The following PTPRO variants were observed in gnomAD, a reference collection of about 807,000 sequenced individuals.
PTPRO encodes the protein receptor-type tyrosine-protein phosphatase O.
PTPRO carries 62 observed loss-of-function variants against 145.2 expected under a neutral mutation model. That is an observed-to-expected ratio of 0.43 (90% CI 0.35 to 0.53). The LOEUF (loss-of-function observed/expected upper bound fraction) is 0.53, where lower values mean the gene tolerates loss of function less well. Among genes scored for constraint, PTPRO ranks in the 20% least tolerant of loss-of-function variants. The probability of loss-of-function intolerance (pLI) is 0.01; values close to 1 mark genes in which losing one functional copy is unlikely to be tolerated. For synonymous variants in PTPRO, 565 were observed against 514.7 expected (o/e 1.10, Z -1.32); for missense variants, 1,345 against 1,482.7 (o/e 0.91, Z 1.53).
At chr12:15,448,548 A>G (rs1940966995) in intron 1 of PTPRO, among the ~76,000 whole-genome samples, 1 of 152,080 alleles carries the variant, frequency 6.6e-6, no homozygotes, top group South Asian at 2.1e-4. Flanking sequence ...GGTTGTGGAG[A>G]AAAGAGAAAC....
intron 6 of PTPRO, among the ~76,000 whole-genome samples, chr12:15,506,392 G>T (rs1253245484): frequency 6.6e-6 from 1 of 152,080 alleles, no homozygotes; most frequent in Non-Finnish European, 1.5e-5. Context: ...TATATCTCTG[G>T]GCCTCAGTTT....
intron 14 of PTPRO, among the ~76,000 whole-genome samples, chr12:15,550,594 T>C (rs951271476): frequency 1.3e-5 from 2 of 152,206 alleles, no homozygotes; most frequent in Admixed American, 6.5e-5. Context: ...AAATGGCTTC[T>C]CTCCAAATAG....
chr12:15,439,855 GGTGCAGAA>G (rs1565630405), intron 1 of PTPRO: 3 of 628,890 alleles, frequency 4.8e-6, no homozygotes, highest in Admixed American at 4.4e-5. Context: ...AGATTATGAT[GGTGCAGAA>G]GCAGACCCAC....
At chr12:15,393,385 C>A (rs1263059953) in intron 1 of PTPRO, among the ~76,000 whole-genome samples, 5 of 152,180 alleles carry the variant, frequency 3.3e-5, no homozygotes, top group African/African-American at 9.7e-5. Context: ...TTTACTACAT[C>A]TTCTGGAACT....
Position 15,398,228 on chromosome 12 carries a change from G to T in PTPRO, c.75+75427G>T, listed in dbSNP as rs562024772. On this transcript the variant is annotated intron_variant, in intron 1 of 26. Coordinates refer to ENST00000281171, the MANE Select transcript of PTPRO (RefSeq NM_030667.3). ...GGCTGCTCATTGTGTCGGTAAAAGC[G>T]GTTGTTCACAGCAGCACAATATTGT... Among the ~76,000 whole-genome samples the T allele has an allele frequency of 5.9e-5, 9 of 152,218 alleles. No homozygotes were observed. In the South Asian group the frequency reaches 1.9e-3, roughly 32 times the overall value.
At chr12:15,503,842 T>C in intron 5 of PTPRO, 66 bp from the exon 6 acceptor site, 1 of 1,350,858 alleles carries the variant, frequency 7.4e-7, no homozygotes, top group Non-Finnish European at 1.0e-6. Context: ...ATTAATCGAC[T>C]TGTCTATACC....
In PTPRO at chr12:15,439,999, G is replaced by A. The variant is rs1434167543; in HGVS notation, c.76-43975G>A. 2.2e-5 allele frequency: 15 copies of A among 682,284 alleles called. No homozygotes were observed. In the Admixed American group the frequency reaches 3.0e-4, roughly 14 times the overall value. The allele number at this position is 682,284 out of a possible 1,614,324, so 42.3% of individuals were successfully genotyped here. On this transcript the variant is annotated intron_variant, in intron 1 of 26. Coordinates refer to ENST00000281171, the MANE Select transcript of PTPRO (RefSeq NM_030667.3). ...TCTGCGGGGCCATCATCCTGGCCAA[G>A]CTCTCCATTGTCCCTGTGTGCAGAG...
chr12:15,567,598 C>T (rs574428502), intron 18 of PTPRO, among the ~76,000 whole-genome samples: 10 of 152,150 alleles, frequency 6.6e-5, no homozygotes, highest in African/African-American at 2.4e-4. Context: ...TGCCCATTTT[C>T]CTAGTAACAA....
chr12:15,327,294 C>T (rs1866472219), intron 1 of PTPRO, among the ~76,000 whole-genome samples: 1 of 152,172 alleles, frequency 6.6e-6, no homozygotes, highest in South Asian at 2.1e-4. Context: ...TACCTCACCT[C>T]TGTTTAATGT....
intron 9 of PTPRO, among the ~76,000 whole-genome samples, chr12:15,519,134 G>T (rs546185650): frequency 1.3e-5 from 2 of 152,182 alleles, no homozygotes; most frequent in African/African-American, 2.4e-5. Context: ...CAATCATGGC[G>T]GGAGGCAAAG....
intron 1 of PTPRO, among the ~76,000 whole-genome samples, chr12:15,411,508 C>T (rs1209969528): frequency 3.9e-5 from 6 of 152,176 alleles, no homozygotes; most frequent in Admixed American, 6.5e-5. Context: ...TCTAGAGAAG[C>T]TGAAAGCAAA....
intron 1 of PTPRO, among the ~76,000 whole-genome samples, chr12:15,436,163 A>G (rs1204963204): frequency 6.6e-6 from 1 of 152,236 alleles, no homozygotes; most frequent in Non-Finnish European, 1.5e-5. Flanking sequence ...ACATGCCCAC[A>G]AGAGAAAGCA....
intron 1 of PTPRO, among the ~76,000 whole-genome samples, chr12:15,387,343 T>C (rs976278880): frequency 4.3e-5 from 6 of 139,712 alleles, no homozygotes; most frequent in East Asian, 2.4e-4. Flanking sequence ...CTCTTTAACA[T>C]GCTATTTTTT....
At chr12:15,529,896 G>A (rs953618296) in intron 12 of PTPRO, among the ~76,000 whole-genome samples, 1 of 152,134 alleles carries the variant, frequency 6.6e-6, no homozygotes, top group African/African-American at 2.4e-5. Context: ...GATGTATATG[G>A]TCTCAATTCT....
intron 13 of PTPRO, among the ~76,000 whole-genome samples, chr12:15,547,292 G>A (rs772965597): frequency 6.6e-5 from 10 of 152,148 alleles, no homozygotes; most frequent in Non-Finnish European, 1.3e-4. Flanking sequence ...TGGCAGATAC[G>A]ATAAACAGAG....
chr12:15,587,391 A>G (rs1401206610), intron 24 of PTPRO, among the ~76,000 whole-genome samples: 1 of 152,206 alleles, frequency 6.6e-6, no homozygotes, highest in African/African-American at 2.4e-5. Flanking sequence ...TGCCCTTAAT[A>G]TGTGATATTA....
intron 2 of PTPRO, among the ~76,000 whole-genome samples, chr12:15,495,841 T>C (rs1244012723): frequency 6.6e-6 from 1 of 152,192 alleles, no homozygotes; most frequent in Non-Finnish European, 1.5e-5. Flanking sequence ...ATTTAACATT[T>C]TTTTACACAG....
intron 1 of PTPRO, among the ~76,000 whole-genome samples, chr12:15,360,245 A>G (rs1938132728): frequency 6.6e-6 from 1 of 152,200 alleles, no homozygotes; most frequent in Non-Finnish European, 1.5e-5. Context: ...GTGGCTCACT[A>G]TTATCTTCTT....
intron 1 of PTPRO, among the ~76,000 whole-genome samples, chr12:15,389,335 CT>C (rs1220275049): frequency 6.6e-6 from 1 of 151,938 alleles, no homozygotes; most frequent in African/African-American, 2.4e-5. Context: ...TCTCGATCTC[CT>C]TACCTCATGA....
Sources: gnomAD v4.1 joint callset for allele counts (sites outside exome capture counted in the v4.1 genomes callset) on GRCh38, gnomAD v4.1.1 for gene constraint, MANE v1.5 for transcripts, NCBI Gene and HGNC (gene_info 2026-07-23, HGNC 2026-07-21) for gene names.